Variants in CDKL5 observed in about 807,000 individuals in gnomAD.
CDKL5 encodes cyclin dependent kinase like 5, also known as cyclin-dependent kinase-like 5.
A neutral mutation model predicts 61.7 loss-of-function variants in CDKL5; 8 were observed. The observed-to-expected ratio is 0.13, with a 90% CI of 0.08 to 0.23. CDKL5 has a LOEUF of 0.23. Ranked by LOEUF, CDKL5 falls within the 10% of genes least tolerant of loss-of-function variation. CDKL5 has a pLI of 1.00. For synonymous variants in CDKL5, 275 were observed against 272.3 expected (o/e 1.01, Z -0.10); for missense variants, 440 against 734.5 (o/e 0.60, Z 4.63).
At chrX:18,433,346 A>G (rs1042603158) in intron 1 of CDKL5, among the ~76,000 whole-genome samples, 7 of 111,821 alleles carry the variant, frequency 6.3e-5, no homozygotes, top group Admixed American at 1.9e-4. Context: ...TGAGGTCGGG[A>G]GTTCGAGACC....
intron 1 of CDKL5, among the ~76,000 whole-genome samples, chrX:18,476,806 C>T (rs939803334): frequency 3.6e-5 from 4 of 111,054 alleles, no homozygotes; most frequent in East Asian, 5.7e-4. Flanking sequence ...CTCGCTCTGT[C>T]GCCATGCTGG....
Position 18,481,565 on chromosome X carries a change from G to A in CDKL5, c.-162-25370G>A, listed in dbSNP as rs1380252844. The stretch of plus-strand genomic sequence containing the variant: ...TTTTGTAGAGAAGGGGTTTTACCAT[G>A]TTGCCCAGGCTGGTCTCGAACTCTT... On this transcript the variant is annotated intron_variant, in intron 1 of 17. Coordinates refer to ENST00000623535, the MANE Select transcript of CDKL5 (RefSeq NM_001323289.2). Among the ~76,000 whole-genome samples the A allele has an allele frequency of 4.2e-5, 4 of 95,050 alleles. No homozygotes were observed. The East Asian group carries it at 1.3e-3, about 31-fold the overall frequency. 82.5% of individuals were successfully genotyped at this position (95,050 alleles called of 115,157 possible).
At chrX:18,504,897 C>T (rs2081008498) in intron 1 of CDKL5, among the ~76,000 whole-genome samples, 1 of 103,379 alleles carries the variant, frequency 9.7e-6, no homozygotes, top group Non-Finnish European at 2.0e-5. Flanking sequence ...CGCGCCACTG[C>T]ACTCCAGCCT....
intron 16 of CDKL5, among the ~76,000 whole-genome samples, chrX:18,620,496 C>G (rs1481604254): frequency 9.0e-6 from 1 of 111,180 alleles, no homozygotes; most frequent in Non-Finnish European, 1.9e-5. Context: ...GCCTTTTGAT[C>G]GCGCTGTGGG....
chrX:18,505,895 A>G (rs375913106), intron 1 of CDKL5, among the ~76,000 whole-genome samples: 2 of 112,955 alleles, frequency 1.8e-5, no homozygotes, highest in African/African-American at 6.4e-5. Context: ...GCATGTATTG[A>G]TCATACTTGC....
At chrX:18,536,432 GTTTTTTTTTTTTT>G (rs746308567) in intron 3 of CDKL5, among the ~76,000 whole-genome samples, 12 of 40,560 alleles carry the variant, frequency 3.0e-4, no homozygotes, top group Admixed American at 1.4e-3. Flanking sequence ...TTCAATACAG[GTTTTTTTTTTTTT>G]TTTTTTTTTT....
intron 11 of CDKL5, among the ~76,000 whole-genome samples, chrX:18,600,859 T>C (rs1926154853): frequency 8.9e-6 from 1 of 112,199 alleles, no homozygotes; most frequent in Non-Finnish European, 1.9e-5. Context: ...CTTGACACTG[T>C]ATTGAATATA....
At chrX:18,440,915 C>G (rs1455633452) in intron 1 of CDKL5, among the ~76,000 whole-genome samples, 1 of 111,395 alleles carries the variant, frequency 9.0e-6, no homozygotes, top group Non-Finnish European at 1.9e-5. Flanking sequence ...ATTTGGAGAG[C>G]CAGCAACCTG....
chrX:18,646,100 G>C lies in CDKL5; in HGVS notation c.2797+10G>C, dbSNP rs1569229724. On this transcript the variant is annotated intron_variant, in intron 20 of 21. Coordinates refer to the CDKL5 transcript ENST00000379989. ...ACGACAGAACAACAAGGTAGAGTCTGGGCCCCGCATGCCATCAAGCTGCCA... is the reference window on the plus strand; with the variant it reads ...ACGACAGAACAACAAGGTAGAGTCTCGGCCCCGCATGCCATCAAGCTGCCA... The C allele has an allele frequency of 8.3e-7, 1 of 1,211,794 alleles. No individual in the cohort carries two copies. The highest frequency in any genetic ancestry group is 1.1e-6 in the Non-Finnish European group (1 of 895,508).
intron 14 of CDKL5, among the ~76,000 whole-genome samples, chrX:18,611,360 G>A (rs368455358): frequency 9.2e-5 from 10 of 108,645 alleles, no homozygotes; most frequent in East Asian, 5.8e-4. Flanking sequence ...GCGTGAACCC[G>A]GGAGGCGGAG....
Position 18,628,969 on chromosome X carries a change from G to A in CDKL5, c.*212G>A, listed in dbSNP as rs1312735402. ...TCTTAGAGCCACAGGAGTTCCTTAG[G>A]GATCGCCACTCCCCACAGGTCTTGT... On this transcript the variant is annotated 3_prime_UTR_variant, in exon 18 of 18. Coordinates refer to ENST00000623535, the MANE Select transcript of CDKL5 (RefSeq NM_001323289.2). 9.8e-7 allele frequency: 1 copy of A among 1,021,212 alleles called. No homozygotes were observed. The highest frequency in any genetic ancestry group is 1.2e-6 in the Non-Finnish European group (1 of 806,604). 84.2% of individuals were successfully genotyped at this position (1,021,212 alleles called of 1,213,427 possible).
chrX:18,449,840 G>A (rs763794981), intron 1 of CDKL5, among the ~76,000 whole-genome samples: 17 of 107,857 alleles, frequency 1.6e-4, no homozygotes, highest in Admixed American at 2.0e-4. Context: ...CTGTCTCCAG[G>A]CTGGAGTGCA....
At chrX:18,626,066 GTT>G (rs754432238) in intron 17 of CDKL5, among the ~76,000 whole-genome samples, 7 of 89,012 alleles carry the variant, frequency 7.9e-5, no homozygotes, top group African/African-American at 1.2e-4. Context: ...GCGGACTACT[GTT>G]TTTTTTTTTT....
chrX:18,467,136 C>A (rs1331659669), intron 1 of CDKL5, among the ~76,000 whole-genome samples: 2 of 110,420 alleles, frequency 1.8e-5, no homozygotes, highest in South Asian at 4.0e-4. Flanking sequence ...TTAAGCATAC[C>A]CCGAGAATGA....
At chrX:18,560,082 T>A (rs369265977) in intron 3 of CDKL5, among the ~76,000 whole-genome samples, 14 of 109,846 alleles carry the variant, frequency 1.3e-4, no homozygotes, top group African/African-American at 4.7e-4. Flanking sequence ...TGAATAGTGC[T>A]GCAATAAACA....
chrX:18,467,249 C>T (rs964203139), intron 1 of CDKL5, among the ~76,000 whole-genome samples: 1 of 111,189 alleles, frequency 9.0e-6, no homozygotes, highest in East Asian at 2.9e-4. Context: ...AACATCTGAG[C>T]CCCCAGGCCA....
At chrX:18,640,295 T>C (rs1927519570), downstream of CDKL5, 1 of 110,815 alleles carries the variant, frequency 9.0e-6, no homozygotes, top group Admixed American at 9.7e-5. Context: ...GTGCCTTAAC[T>C]CTTAGGATAC....
intron 3 of CDKL5, among the ~76,000 whole-genome samples, chrX:18,517,479 T>C (rs1016774228): frequency 7.1e-5 from 8 of 111,947 alleles, no homozygotes; most frequent in Non-Finnish European, 1.5e-4. Context: ...CATAAAAATA[T>C]AATTAGTTCA....
chrX:18,574,312 C>T lies in CDKL5; in HGVS notation c.146-1042C>T, dbSNP rs377190919. On this transcript the variant is annotated intron_variant, in intron 4 of 17. Coordinates refer to ENST00000623535, the MANE Select transcript of CDKL5 (RefSeq NM_001323289.2). ...TCATATTAGATTGGATAAACAAAGA[C>T]TTTATGTAGTCTCCTGTCAGTTCAG... 1.7e-4 allele frequency among the ~76,000 whole-genome samples: 19 copies of T among 111,651 alleles called. No individual in the cohort carries two copies. The East Asian group carries it at 4.0e-3, about 23-fold the overall frequency.
Sources: allele counts gnomAD v4.1 joint callset (sites outside exome capture counted in the v4.1 genomes callset), GRCh38; gene constraint gnomAD v4.1.1; transcripts MANE v1.5; gene names NCBI Gene and HGNC (gene_info 2026-07-23, HGNC 2026-07-21).